Variants in RGS12 observed in about 807,000 individuals in gnomAD.
RGS12 encodes regulator of G protein signaling 12.
Under a neutral mutation model 120.1 loss-of-function variants are expected in RGS12, and 66 were observed. The ratio of observed to expected loss-of-function variants is 0.55; its 90% CI spans 0.45 to 0.67. The LOEUF (loss-of-function observed/expected upper bound fraction) is 0.67, where lower values mean the gene tolerates loss of function less well. Among genes scored for constraint, RGS12 ranks in the 30% least tolerant of loss-of-function variants. The pLI is 0.00. For synonymous variants in RGS12, 827 were observed against 804.7 expected (o/e 1.03, Z -0.47); for missense variants, 1,859 against 1,957.7 (o/e 0.95, Z 0.95).
At chr4:3,368,744 G>GTTGGGGGGTGCCTGTGTGTA in intron 3 of RGS12, among the ~76,000 whole-genome samples, 1 of 120,706 alleles carries the variant, frequency 8.3e-6, no homozygotes, top group South Asian at 3.0e-4. Context: ...GCCTGTGTGT[G>GTTGGGGGGTGCCTGTGTGTA]TTGGGGGGTG....
chr4:3,439,504 T>C lies in RGS12; in HGVS notation c.4164T>C (p.Asp1388=), dbSNP rs1180012356. 8 of 1,612,758 alleles carry C rather than the reference T, an allele frequency of 5.0e-6. No homozygotes were observed. The Admixed American group carries it at 1.0e-4, about 20-fold the overall frequency. Residue 1388 remains aspartate, a synonymous_variant, in exon 18 of 18, where the codon GAT becomes GAC. Transcript: ENST00000336727. The part of the protein sequence containing the change: ...SRDLPVNRII[D]VDLVTGSAPG... ...ACCTCCCAGTCAACAGAATCATCGA[T>C]GTGGATCTTGTAACTGGCTCGGCGC...
Position 3,424,454 on chromosome 4 carries a change from A to G in RGS12, c.3234+813A>G, listed in dbSNP as rs539985788. On this transcript the variant is annotated intron_variant, in intron 13 of 17. Transcript: ENST00000336727. ...GCAGGCTCCATCCTGGAGTCCAGAA[A>G]TCTGCAGGTGGGAGACAGACCTGGC... 5.3e-5 allele frequency among the ~76,000 whole-genome samples: 8 copies of G among 152,330 alleles called. No homozygotes were observed. In the South Asian group the frequency reaches 1.7e-3, roughly 32 times the overall value.
chr4:3,295,241 G>A (rs1449103660), intron 1 of RGS12, among the ~76,000 whole-genome samples: 1 of 152,210 alleles, frequency 6.6e-6, no homozygotes, highest in Non-Finnish European at 1.5e-5. Context: ...GACAGGCTGA[G>A]GCTGCCGCTA....
intron 2 of RGS12, among the ~76,000 whole-genome samples, chr4:3,336,104 G>A (rs2748447): frequency 0.7 from 107,045 of 151,882 alleles, 39,462 homozygotes; most frequent in African/African-American, 0.93. Context: ...CAAACAAGCA[G>A]GCAAACAAAC....
At chr4:3,420,950 C>T (rs533449768) in intron 10 of RGS12, among the ~76,000 whole-genome samples, 51 of 152,284 alleles carry the variant, frequency 3.3e-4, no homozygotes, top group African/African-American at 1.0e-3. Flanking sequence ...TGAGAGGGCA[C>T]GAAAAACTAT....
chr4:3,309,588 T>G (rs1724208865), intron 1 of RGS12, among the ~76,000 whole-genome samples: 1 of 103,670 alleles, frequency 9.6e-6, no homozygotes, highest in Non-Finnish European at 1.8e-5. Context: ...AGGGGAACTG[T>G]GTTGAGGAGG....
In RGS12 at chr4:3,416,969, C is replaced by T. The variant is rs1722471379; in HGVS notation, c.2484C>T (p.Tyr828=). The T allele has an allele frequency of 1.9e-6, 3 of 1,612,846 alleles. No homozygotes were observed. The highest frequency in any genetic ancestry group is 2.7e-5 in the African/African-American group (2 of 74,928). The change falls in exon 8 of 18, where the codon TAC becomes TAT. Residue 828 remains tyrosine, a synonymous_variant. Transcript: ENST00000336727. ...CTCGCTTTCTGAAGTCCCCGCTGTA[C>T]CAGGAATGCATCCTGGCGGAAGTGG... ...SYTRFLKSPL[Y]QECILAEVEG... is the part of the protein sequence containing the mutation.
intron 2 of RGS12, among the ~76,000 whole-genome samples, chr4:3,341,898 AC>A (rs1713265059): frequency 6.7e-6 from 1 of 149,722 alleles, no homozygotes; most frequent in African/African-American, 2.5e-5. Context: ...CTGGGCCGTG[AC>A]AATGGGTGGG....
intron 1 of RGS12, among the ~76,000 whole-genome samples, chr4:3,295,805 C>G (rs1723351480): frequency 6.6e-6 from 1 of 152,150 alleles, no homozygotes; most frequent in Non-Finnish European, 1.5e-5. Flanking sequence ...ATCCTAAAGC[C>G]CAGACCATTT....
At chr4:3,386,480 A>C (rs755510628) in intron 4 of RGS12, 43 bp downstream of exon 4, 2 of 1,549,980 alleles carry the variant, frequency 1.3e-6, no homozygotes, top group Admixed American at 1.7e-5. Context: ...ATTTTTCATA[A>C]AGTTTTCAAA....
Position 3,316,433 on chromosome 4 carries a change from C to G in RGS12, c.263C>G (p.Ser88Cys). ...EDVVKLIGKC[S>C]GVLHMVIAEG... ...GTAGTGAAATTAATTGGGAAGTGCT[C>G]TGGTGTCCTTCACATGGTGATTGCT... The change falls in exon 2 of 18, where the codon TCT becomes TGT. Residue 88 changes from serine (S) to cysteine (C), a missense_variant. By Grantham distance (112) the Ser-to-Cys change is moderately radical. Coordinates refer to ENST00000336727, the MANE Select transcript of RGS12 (RefSeq NM_001394154.1). 1 of 1,614,166 alleles carries G rather than the reference C, an allele frequency of 6.2e-7. No homozygotes were observed. Among genetic ancestry groups the G allele is most frequent in the Non-Finnish European group, 8.5e-7 (1 of 1,180,056 alleles).
intron 2 of RGS12, 120 bp downstream of exon 2, chr4:3,318,171 C>T (rs1016136768): frequency 2.3e-6 from 2 of 877,164 alleles, no homozygotes; most frequent in South Asian, 3.8e-5. Context: ...GCCCTGTGGC[C>T]TCTGTGGCCA....
chr4:3,387,467 C>T (rs1338932324), intron 4 of RGS12, among the ~76,000 whole-genome samples: 1 of 152,204 alleles, frequency 6.6e-6, no homozygotes, highest in South Asian at 2.1e-4. Context: ...GCTCAGAGCC[C>T]TTGTGGGCCA....
Position 3,390,352 on chromosome 4 carries a change from C to CGGCACCCGGCACAGCGGCT in RGS12, c.2020+3921_2020+3939dup, listed in dbSNP as rs540536551. Among the ~76,000 whole-genome samples, 21 of 152,300 alleles carry CGGCACCCGGCACAGCGGCT rather than the reference C, an allele frequency of 1.4e-4. No individual in the cohort carries two copies. The East Asian group carries it at 2.9e-3, about 21-fold the overall frequency. ...TCCACGTGGCAGGTCAGAGTTGTCC[C>CGGCACCCGGCACAGCGGCT]GGCACCCGGCACAGCGGCTGGCACG... On this transcript the variant is annotated intron_variant, in intron 4 of 17. Coordinates refer to ENST00000336727, the MANE Select transcript of RGS12 (RefSeq NM_001394154.1). This position sits in a 1 kb window ranked among gnomAD's most constrained non-coding sequence, Gnocchi z 4.6.
intron 9 of RGS12, chr4:3,419,353 G>A (rs990194318): frequency 6.6e-6 from 1 of 151,136 alleles, no homozygotes; most frequent in Admixed American, 6.6e-5. Context: ...AAAATTAGCT[G>A]GGTGTGATGG....
chr4:3,371,376 T>C (rs1187361493), intron 3 of RGS12, among the ~76,000 whole-genome samples: 1 of 152,222 alleles, frequency 6.6e-6, no homozygotes, highest in Non-Finnish European at 1.5e-5. Context: ...CTGTCGTGGG[T>C]TTAATGGGCC....
chr4:3,296,511 C>T (rs772534503), intron 1 of RGS12, among the ~76,000 whole-genome samples: 6 of 152,180 alleles, frequency 3.9e-5, no homozygotes, highest in Non-Finnish European at 8.8e-5. Context: ...CTGCCATGTT[C>T]AAATTTCCAG....
chr4:3,424,973 C>T (rs938858809), intron 13 of RGS12, among the ~76,000 whole-genome samples: 2 of 152,238 alleles, frequency 1.3e-5, no homozygotes, highest in Non-Finnish European at 2.9e-5. Flanking sequence ...CTTTTCTTAA[C>T]AGTGACTATG....
chr4:3,343,534 C>T (rs965468340), intron 3 of RGS12, among the ~76,000 whole-genome samples: 14 of 152,038 alleles, frequency 9.2e-5, no homozygotes, highest in African/African-American at 2.7e-4. Context: ...GTTAAAAATG[C>T]GCCGTCGGGA....
Sources: allele counts gnomAD v4.1 joint callset (sites outside exome capture counted in the v4.1 genomes callset), GRCh38; gene constraint gnomAD v4.1.1; non-coding constraint Gnocchi (gnomAD v3.1); transcripts MANE v1.5; gene names NCBI Gene and HGNC (gene_info 2026-07-23, HGNC 2026-07-21).